KDM6A: variants seen among roughly 807,000 people sequenced by gnomAD.
KDM6A encodes the protein lysine demethylase 6A, also known as lysine-specific demethylase 6A.
A neutral mutation model predicts 117.6 loss-of-function variants in KDM6A; 11 were observed. The observed-to-expected ratio is 0.09, with a 90% confidence interval of 0.06 to 0.15. KDM6A has a LOEUF of 0.15. KDM6A is among the 10% of genes least tolerant of loss of function. The pLI, the probability that KDM6A is intolerant of heterozygous loss-of-function variation, is 1.00. For synonymous variants in KDM6A, 384 were observed against 396.1 expected (o/e 0.97, Z 0.36); for missense variants, 799 against 1,077.3 (o/e 0.74, Z 3.62).
intron 8 of KDM6A, among the ~76,000 whole-genome samples, chrX:45,041,466 C>T (rs1186620100): frequency 1.9e-5 from 2 of 106,709 alleles, no homozygotes; most frequent in Admixed American, 9.6e-5. Context: ...GGGGTGGCTG[C>T]CGGGCGGAGA....
chrX:45,037,065 A>G (rs750452672), intron 7 of KDM6A, among the ~76,000 whole-genome samples: 1 of 112,553 alleles, frequency 8.9e-6, no homozygotes, highest in South Asian at 3.6e-4. Context: ...TAGACAGTCT[A>G]CTTGATTACT....
At chrX:44,936,548 A>G (rs933332770) in intron 2 of KDM6A, among the ~76,000 whole-genome samples, 8 of 111,809 alleles carry the variant, frequency 7.2e-5, no homozygotes, top group African/African-American at 2.6e-4. Context: ...GATTTATTTC[A>G]TTAATCAGGG....
At chrX:45,094,788 A>G (rs1343962771) in intron 27 of KDM6A, among the ~76,000 whole-genome samples, 1 of 111,558 alleles carries the variant, frequency 9.0e-6, no homozygotes, top group Non-Finnish European at 1.9e-5. Flanking sequence ...CCTGCTGTGC[A>G]TTTGCGTGAG....
chrX:44,995,219 A>G (rs2040808347), intron 4 of KDM6A, among the ~76,000 whole-genome samples: 1 of 110,946 alleles, frequency 9.0e-6, no homozygotes, highest in South Asian at 3.8e-4. Flanking sequence ...CCTAAGTCTC[A>G]GGGCATTTTA....
intron 2 of KDM6A, among the ~76,000 whole-genome samples, chrX:44,924,721 T>G (rs2036206316): frequency 9.2e-6 from 1 of 108,921 alleles, no homozygotes; most frequent in African/African-American, 3.3e-5. Flanking sequence ...TGAAACAGGG[T>G]CTTGCCCTGT....
rs778493547 is a variant in KDM6A at position 45,076,721 on chromosome X, T to G, written c.2883T>G (p.Ser961=). ...ACRNLGKNGL[S]NSSILLDKCP... ...GGAATCTAGGTAAAAATGGCTTATC[T>G]AACAGTAGCATTTTGTTGGATAAAT... The change falls in exon 19 of 30, where the codon TCT becomes TCG. Residue 961 remains serine (S), a synonymous_variant. Coordinates refer to ENST00000611820, the MANE Select transcript of KDM6A (RefSeq NM_001291415.2). 2 of 1,164,275 alleles carry G rather than the reference T, an allele frequency of 1.7e-6. No homozygotes were observed. Among genetic ancestry groups the G allele is most frequent in the South Asian group, 3.6e-5 (2 of 55,687 alleles).
chrX:45,109,352 T>C (rs977297851), intron 28 of KDM6A, among the ~76,000 whole-genome samples: 7 of 111,134 alleles, frequency 6.3e-5, no homozygotes, highest in Non-Finnish European at 1.1e-4. Context: ...CTCAGGTCAC[T>C]AGGTTTGTAT....
intron 4 of KDM6A, among the ~76,000 whole-genome samples, chrX:44,994,487 G>C (rs752794579): frequency 1.8e-5 from 2 of 111,876 alleles, no homozygotes; most frequent in East Asian, 2.8e-4. Context: ...TATATACCAC[G>C]TTTTCTTAAT....
chrX:44,962,043 G>A (rs2038695929), intron 3 of KDM6A, among the ~76,000 whole-genome samples: 1 of 111,452 alleles, frequency 9.0e-6, no homozygotes, highest in Non-Finnish European at 1.9e-5. Context: ...CACATTAAAA[G>A]AAAATTATTA....
intron 2 of KDM6A, among the ~76,000 whole-genome samples, chrX:44,885,105 C>T (rs2146545668): frequency 1.9e-5 from 2 of 107,961 alleles, no homozygotes; most frequent in East Asian, 5.8e-4. Context: ...ATGATCACTG[C>T]TCACTACAGC....
At chrX:45,076,252 C>A (rs1052479702) in intron 18 of KDM6A, among the ~76,000 whole-genome samples, 2 of 111,008 alleles carry the variant, frequency 1.8e-5, no homozygotes, top group Non-Finnish European at 3.8e-5. Context: ...AGAGTTGTTA[C>A]AAAGATATTC....
intron 8 of KDM6A, among the ~76,000 whole-genome samples, chrX:45,042,059 G>A (rs919021431): frequency 6.4e-5 from 7 of 110,046 alleles, no homozygotes; most frequent in Non-Finnish European, 3.8e-5. Flanking sequence ...AGACCAGCCC[G>A]GTCAACACAG....
intron 8 of KDM6A, among the ~76,000 whole-genome samples, chrX:45,040,019 C>T (rs868530884): frequency 1.6e-5 from 1 of 60,828 alleles, no homozygotes; most frequent in Admixed American, 1.9e-4. Flanking sequence ...CCCAATGAGC[C>T]GCTGGGCACA....
intron 2 of KDM6A, among the ~76,000 whole-genome samples, chrX:44,936,562 A>C (rs1312599726): frequency 9.0e-6 from 1 of 111,505 alleles, no homozygotes; most frequent in Non-Finnish European, 1.9e-5. Flanking sequence ...ATCAGGGATA[A>C]TTTTCACCAT....
At chrX:44,976,068 G>GT (rs1210402478) in intron 4 of KDM6A, among the ~76,000 whole-genome samples, 1 of 111,623 alleles carries the variant, frequency 9.0e-6, no homozygotes, top group Non-Finnish European at 1.9e-5. Flanking sequence ...ACCCTTCAAT[G>GT]TGGCTGCATG....
In KDM6A at chrX:45,011,152, G is replaced by A. The variant is rs760765517; in HGVS notation, c.443+133G>A. On this transcript the variant is annotated intron_variant, in intron 5 of 29. Transcript: ENST00000611820. ...AGTGTCATTAAACCTACACTTTTCA[G>A]TAATCTTTTGAAATGATTAGATTGT... 1.5e-5 allele frequency: 7 copies of A among 480,052 alleles called. No homozygotes were observed. In the African/African-American group the frequency reaches 1.7e-4, roughly 12 times the overall value. The allele number at this position is 480,052 out of a possible 1,213,427, so 39.6% of individuals were successfully genotyped here.
At chrX:45,006,163 G>GC (rs746542278) in intron 4 of KDM6A, among the ~76,000 whole-genome samples, 3,310 of 72,658 alleles carry the variant, frequency 0.046, 112 homozygotes, top group Non-Finnish European at 0.064. Context: ...CCAGCCCTGC[G>GC]CCCCCCCCCG....
In KDM6A at chrX:45,076,842, C is replaced by T; in HGVS notation, c.2988+16C>T. ...TAGTATTTACGTGAGTCTGAATTGACTGACTAGAAATAAAACAGTGTTTGC... is the reference window on the plus strand; with the variant it reads ...TAGTATTTACGTGAGTCTGAATTGATTGACTAGAAATAAAACAGTGTTTGC... On this transcript the variant is annotated intron_variant, in intron 19 of 29. Transcript: ENST00000611820. The T allele has an allele frequency of 8.4e-7, 1 of 1,187,972 alleles. No individual in the cohort carries two copies. Among genetic ancestry groups the T allele is most frequent in the Non-Finnish European group, 1.1e-6 (1 of 876,224 alleles).
chrX:45,040,544 G>A (rs1208512806), intron 8 of KDM6A, among the ~76,000 whole-genome samples: 21 of 66,634 alleles, frequency 3.2e-4, no homozygotes, highest in Non-Finnish European at 8.8e-5. Context: ...CCGGGCAGAG[G>A]GGCTCCTCAC....
Sources: allele counts gnomAD v4.1 joint callset (sites outside exome capture counted in the v4.1 genomes callset), GRCh38; gene constraint gnomAD v4.1.1; transcripts MANE v1.5; gene names NCBI Gene and HGNC (gene_info 2026-07-23, HGNC 2026-07-21).